ERGIC1: variants seen among roughly 807,000 people sequenced by gnomAD.
ERGIC1 encodes the protein endoplasmic reticulum-golgi intermediate compartment 1.
ERGIC1 carries 19 observed loss-of-function variants against 38.3 expected under a neutral mutation model. The ratio of observed to expected loss-of-function variants is 0.50; its 90% CI spans 0.35 to 0.73. ERGIC1 has a LOEUF of 0.73. ERGIC1 is among the 30% of genes least tolerant of loss of function. The probability of loss-of-function intolerance (pLI) is 0.01; values close to 1 mark genes in which losing one functional copy is unlikely to be tolerated. For missense variants in ERGIC1, 294 were observed against 389.2 expected, an observed-to-expected ratio of 0.76 and a Z score of 2.06; for synonymous variants, 124 against 157.6, an observed-to-expected ratio of 0.79 and a Z score of 1.60.
intron 1 of ERGIC1, among the ~76,000 whole-genome samples, chr5:172,877,408 ATATGTG>A (rs1262057849): frequency 2.8e-4 from 33 of 116,776 alleles, no homozygotes; most frequent in South Asian, 5.5e-4. Context: ...AATATTATAT[ATATGTG>A]TGTGTGTGTG....
intron 1 of ERGIC1, among the ~76,000 whole-genome samples, chr5:172,882,709 CCTTCTGTAG>C (rs1157118884): frequency 6.6e-6 from 1 of 152,126 alleles, no homozygotes; most frequent in Non-Finnish European, 1.5e-5. Context: ...CCTTTGATTG[CCTTCTGTAG>C]CTTTGGTCCA....
At chr5:172,848,369 G>T (rs191913853) in intron 1 of ERGIC1, among the ~76,000 whole-genome samples, 1 of 152,096 alleles carries the variant, frequency 6.6e-6, no homozygotes, top group African/African-American at 2.4e-5. Flanking sequence ...TAGATGGGGC[G>T]ATAGAGAGTT....
chr5:172,844,197 A>G lies in ERGIC1; in HGVS notation c.20+9764A>G, dbSNP rs555685812. Among the ~76,000 whole-genome samples, 466 of 152,326 alleles carry G rather than the reference A, an allele frequency of 3.1e-3. 4 individuals are homozygous for G. The highest frequency in any genetic ancestry group is 0.011 in the African/African-American group (447 of 41,572). On this transcript the variant is annotated intron_variant, in intron 1 of 9. Coordinates refer to ENST00000393784, the MANE Select transcript of ERGIC1 (RefSeq NM_001031711.3). ...CAAACACCAGTCTGTGGTAAGGGAG[A>G]AAGTGGCCAGAGGGTCACACACTCA...
At chr5:172,930,101 T>C (rs184962017) in intron 7 of ERGIC1, among the ~76,000 whole-genome samples, 2,569 of 148,362 alleles carry the variant, frequency 0.017, 28 homozygotes, top group Non-Finnish European at 0.028. Context: ...GGAAGGAGAA[T>C]CACTTGAACC....
At chr5:172,848,271 T>C (rs1057085613) in intron 1 of ERGIC1, among the ~76,000 whole-genome samples, 8 of 152,184 alleles carry the variant, frequency 5.3e-5, no homozygotes, top group African/African-American at 1.7e-4. Flanking sequence ...TTCCAGGCTA[T>C]TGGGGAAGAT....
chr5:172,867,267 C>G (rs955591162), intron 1 of ERGIC1: 3 of 438,018 alleles, frequency 6.8e-6, no homozygotes, highest in African/African-American at 6.0e-5. Context: ...GGGTGTGATC[C>G]CTTTGGGTAC....
At chr5:172,864,766 C>T (rs1335966859) in intron 1 of ERGIC1, among the ~76,000 whole-genome samples, 1 of 150,462 alleles carries the variant, frequency 6.6e-6, no homozygotes, top group African/African-American at 2.4e-5. Flanking sequence ...TTTTTGAGCA[C>T]CTATTATATG....
chr5:172,914,991 G>T, intron 5 of ERGIC1, 153 bp downstream of exon 5: 1 of 1,259,574 alleles, frequency 7.9e-7, no homozygotes, highest in Non-Finnish European at 1.1e-6. Context: ...GGCCGTTCCT[G>T]CTGAGAATCT....
intron 1 of ERGIC1, among the ~76,000 whole-genome samples, chr5:172,854,618 G>A (rs1168669630): frequency 6.6e-6 from 1 of 152,206 alleles, no homozygotes; most frequent in Admixed American, 6.5e-5. Flanking sequence ...TGGGTGTGTG[G>A]GCGTGTGTGC....
At chr5:172,859,986 G>A (rs1761655724) in intron 1 of ERGIC1, among the ~76,000 whole-genome samples, 1 of 152,202 alleles carries the variant, frequency 6.6e-6, no homozygotes, top group African/African-American at 2.4e-5. Flanking sequence ...TCTGCCAGAG[G>A]TGCTTCTGTA....
Position 172,888,762 on chromosome 5 carries a change from T to G in ERGIC1, c.82+2T>G. The G allele has an allele frequency of 1.2e-6, 2 of 1,613,980 alleles. No homozygotes were observed. The highest frequency in any genetic ancestry group is 1.7e-6 in the Non-Finnish European group (2 of 1,179,904). ...AGCCAACGTACACCGGGGCCATTAG[T>G]GAGTAGCCAACCTCTGGCCATGCCC... On this transcript the variant is annotated splice_donor_variant, in intron 2 of 9. Coordinates refer to ENST00000393784, the MANE Select transcript of ERGIC1 (RefSeq NM_001031711.3). LOFTEE classifies it high-confidence loss of function.
At chr5:172,893,411 G>C (rs1762617636) in intron 2 of ERGIC1, among the ~76,000 whole-genome samples, 1 of 152,124 alleles carries the variant, frequency 6.6e-6, no homozygotes, top group Non-Finnish European at 1.5e-5. Flanking sequence ...GCCTCCCAAA[G>C]TGCTGGGATT....
At position 172,934,524 on chromosome 5, in the gene ERGIC1, C is replaced by G. The variant is rs559271992; in HGVS notation, c.643-664C>G. The G allele has an allele frequency of 4.6e-4, 71 of 154,134 alleles. No homozygotes were observed. In the South Asian group the frequency reaches 0.014, roughly 30 times the overall value. 9.5% of individuals were successfully genotyped at this position (154,134 alleles called of 1,614,324 possible). A position where few individuals can be genotyped will look rare whatever the true frequency, so the allele number is the denominator to read the frequency against. On this transcript the variant is annotated intron_variant, in intron 8 of 9. Coordinates refer to ENST00000393784, the MANE Select transcript of ERGIC1 (RefSeq NM_001031711.3). ...TCTGAAGAAGCTAGCCCACTCCCCA[C>G]GTGGCATTTACACCCATCACACACA...
chr5:172,889,014 G>A (rs1486811014), intron 2 of ERGIC1, among the ~76,000 whole-genome samples: 1 of 152,228 alleles, frequency 6.6e-6, no homozygotes, highest in East Asian at 1.9e-4. Context: ...GCTGGGCGCG[G>A]TGGCTCACGC....
At chr5:172,906,175 G>A in intron 3 of ERGIC1, 1 of 456,194 alleles carries the variant, frequency 2.2e-6, no homozygotes, top group South Asian at 1.5e-5. Flanking sequence ...GCAAGGTCAA[G>A]CGCAGGTCCG....
intron 3 of ERGIC1, among the ~76,000 whole-genome samples, chr5:172,899,706 G>A (rs998266106): frequency 1.3e-5 from 2 of 152,088 alleles, no homozygotes; most frequent in African/African-American, 4.8e-5. Flanking sequence ...TGGAGGAGCT[G>A]AAAACGCCAG....
intron 1 of ERGIC1, among the ~76,000 whole-genome samples, chr5:172,879,992 T>C (rs567673708): frequency 6.6e-6 from 1 of 152,196 alleles, no homozygotes; most frequent in East Asian, 1.9e-4. Flanking sequence ...CAAGGATTGA[T>C]TGGAAAGCTT....
chr5:172,838,713 T>A (rs1761089044), intron 1 of ERGIC1, among the ~76,000 whole-genome samples: 1 of 152,102 alleles, frequency 6.6e-6, no homozygotes, highest in Non-Finnish European at 1.5e-5. Context: ...ATCACAGGCA[T>A]GAGCCACTGC....
intron 1 of ERGIC1, among the ~76,000 whole-genome samples, chr5:172,865,339 A>G (rs974646593): frequency 7.9e-5 from 12 of 152,222 alleles, no homozygotes; most frequent in African/African-American, 1.9e-4. Flanking sequence ...TATAGGCGTG[A>G]GCCACCGCAC....
Sources: gnomAD v4.1 joint callset for allele counts (sites outside exome capture counted in the v4.1 genomes callset) on GRCh38, gnomAD v4.1.1 for gene constraint, MANE v1.5 for transcripts, NCBI Gene and HGNC (gene_info 2026-07-23, HGNC 2026-07-21) for gene names.